Variants in ANO6 observed in about 807,000 individuals in gnomAD.
ANO6 encodes anoctamin-6.
ANO6 carries 106 observed loss-of-function variants against 117.5 expected under a neutral mutation model. The ratio of observed to expected loss-of-function variants is 0.90; its 90% confidence interval spans 0.77 to 1.06. The LOEUF (loss-of-function observed/expected upper bound fraction) is 1.06, where lower values mean the gene tolerates loss of function less well. Ranked by LOEUF, ANO6 falls within the 50% of genes least tolerant of loss-of-function variation. The pLI is 0.00. For synonymous variants in ANO6, 367 were observed against 385.1 expected (o/e 0.95, Z 0.55); for missense variants, 955 against 1,121.1 (o/e 0.85, Z 2.12).
At chr12:45,374,010 A>G (rs1487249404) in intron 9 of ANO6, among the ~76,000 whole-genome samples, 1 of 152,124 alleles carries the variant, frequency 6.6e-6, no homozygotes, top group African/African-American at 2.4e-5. Flanking sequence ...ATAAAAAATG[A>G]TAAAGGGGAT....
intron 1 of ANO6, among the ~76,000 whole-genome samples, chr12:45,267,619 C>T (rs1033360820): frequency 6.6e-6 from 1 of 151,816 alleles, no homozygotes; most frequent in Non-Finnish European, 1.5e-5. Flanking sequence ...GGTGAAACCC[C>T]GTCTCTACTA....
At chr12:45,227,391 C>CT (rs910746561) in intron 1 of ANO6, among the ~76,000 whole-genome samples, 1 of 152,148 alleles carries the variant, frequency 6.6e-6, no homozygotes. Flanking sequence ...AGAGGAAAGT[C>CT]TTACGGTCAG....
chr12:45,295,358 C>G (rs552230431), intron 1 of ANO6, among the ~76,000 whole-genome samples: 9 of 152,224 alleles, frequency 5.9e-5, no homozygotes, highest in Non-Finnish European at 1.0e-4. Context: ...TAAACTGAGG[C>G]CAGAGAAAGA....
chr12:45,439,869 T>C, exon 20 of ANO6: 1 of 1,533,810 alleles, frequency 6.5e-7, no homozygotes. Context: ...TCTTTTCTGT[T>C]ACTTTCTTTT....
intron 1 of ANO6, among the ~76,000 whole-genome samples, chr12:45,301,234 T>C (rs1394014258): frequency 5.5e-5 from 2 of 36,408 alleles, no homozygotes; most frequent in Admixed American, 1.0e-3. Context: ...TAATTTCACC[T>C]GTTTCTTTTT....
intron 8 of ANO6, among the ~76,000 whole-genome samples, chr12:45,359,219 G>T (rs1445691867): frequency 6.6e-6 from 1 of 151,156 alleles, no homozygotes; most frequent in African/African-American, 2.4e-5. Context: ...TTTGCTTTCT[G>T]TTTCTAGGGA....
intron 10 of ANO6, among the ~76,000 whole-genome samples, chr12:45,387,220 A>AT (rs1436196212): frequency 6.6e-6 from 1 of 152,178 alleles, no homozygotes; most frequent in African/African-American, 2.4e-5. Flanking sequence ...CTGAAACTGC[A>AT]TTTTTTCAAT....
At chr12:45,294,457 A>G (rs985756811) in intron 1 of ANO6, among the ~76,000 whole-genome samples, 9 of 152,198 alleles carry the variant, frequency 5.9e-5, no homozygotes, top group African/African-American at 1.9e-4. Flanking sequence ...AATTGTAGAA[A>G]TATCTTTGTT....
chr12:45,360,698 G>GT (rs906022415), intron 8 of ANO6, among the ~76,000 whole-genome samples: 38 of 151,990 alleles, frequency 2.5e-4, no homozygotes, highest in Non-Finnish European at 4.7e-4. Context: ...AAGTCATAAA[G>GT]TTTTTTTTAA....
chr12:45,357,409 A>T lies in ANO6; in HGVS notation c.983A>T (p.Asp328Val), dbSNP rs774722327. 23 of 1,613,564 alleles carry T rather than the reference A, an allele frequency of 1.4e-5. No homozygotes were observed. The South Asian group carries it at 1.9e-4, about 13-fold the overall frequency. Residue 328 changes from aspartate (D) to valine (V), a missense_variant, in exon 8 of 20, where the codon GAT becomes GTT. Transcript: ENST00000320560. ...TTTCTCTATGGATATCTTAATCAAG[A>T]TAACTGTACATGGAGGTAACCTCTG... is the stretch of plus-strand genomic sequence containing the variant. ...ACFLYGYLNQDNCTWSKEVCH... is the reference protein window; with the variant it reads ...ACFLYGYLNQVNCTWSKEVCH...
chr12:45,400,303 A>G (rs1342227976), intron 12 of ANO6, among the ~76,000 whole-genome samples: 1 of 152,236 alleles, frequency 6.6e-6, no homozygotes, highest in Non-Finnish European at 1.5e-5. Flanking sequence ...TTAAAAACAC[A>G]TAATAAACAC....
intron 1 of ANO6, among the ~76,000 whole-genome samples, chr12:45,296,083 A>G (rs1393753820): frequency 6.6e-6 from 1 of 151,726 alleles, no homozygotes; most frequent in Admixed American, 6.6e-5. Flanking sequence ...CTGGTCTTGA[A>G]CTCCTGGTGT....
At chr12:45,320,386 C>T (rs1940217333) in intron 2 of ANO6, among the ~76,000 whole-genome samples, 1 of 152,236 alleles carries the variant, frequency 6.6e-6, no homozygotes, top group African/African-American at 2.4e-5. Flanking sequence ...ACCCAGTAGT[C>T]ATTCAGGAGC....
chr12:45,327,718 C>T (rs1375907667), intron 2 of ANO6, among the ~76,000 whole-genome samples: 1 of 152,018 alleles, frequency 6.6e-6, no homozygotes, highest in African/African-American at 2.4e-5. Context: ...AAAGGATGTA[C>T]TCCAAAATTT....
rs182999685 is a variant in ANO6 at position 45,316,626 on chromosome 12, A to G, written c.150+14533A>G. ...GAAACTTGAATAAAATGGTTATATTAAATACTTGGACATGTTACCTCAAGT... is the reference window on the plus strand; with the variant it reads ...GAAACTTGAATAAAATGGTTATATTGAATACTTGGACATGTTACCTCAAGT... On this transcript the variant is annotated intron_variant, in intron 2 of 19. Transcript: ENST00000320560. Among the ~76,000 whole-genome samples the G allele has an allele frequency of 3.9e-3, 597 of 152,196 alleles. 2 individuals carry two copies. Among genetic ancestry groups the G allele is most frequent in the Non-Finnish European group, 6.6e-3 (452 of 67,998 alleles).
intron 10 of ANO6, among the ~76,000 whole-genome samples, chr12:45,381,314 A>G (rs1942163183): frequency 6.6e-6 from 1 of 152,228 alleles, no homozygotes; most frequent in African/African-American, 2.4e-5. Flanking sequence ...TGTTGATGTA[A>G]GAGTTTTAAC....
At chr12:45,316,617 G>A (rs1940034360) in intron 2 of ANO6, among the ~76,000 whole-genome samples, 1 of 152,024 alleles carries the variant, frequency 6.6e-6, no homozygotes, top group South Asian at 2.1e-4. Flanking sequence ...TGAATAAAAT[G>A]GTTATATTAA....
At chr12:45,308,952 G>C (rs1366980911) in intron 2 of ANO6, among the ~76,000 whole-genome samples, 2 of 152,108 alleles carry the variant, frequency 1.3e-5, no homozygotes, top group Admixed American at 1.3e-4. Context: ...ATGGAAGGAA[G>C]GGAAGAAAGA....
rs1054418062 is a variant in ANO6 at position 45,394,843 on chromosome 12, C to A, written c.1386+4345C>A. Among the ~76,000 whole-genome samples the A allele has an allele frequency of 2.0e-5, 3 of 152,276 alleles. No homozygotes were observed. The South Asian group carries it at 6.2e-4, about 32-fold the overall frequency. ...CAGAATCTCTGAGACACATTTAAAG[C>A]AGTGTGTAGAGGGAAATTTATAGCA... On this transcript the variant is annotated intron_variant, in intron 12 of 19. Transcript: ENST00000320560.
Sources: gnomAD v4.1 joint callset for allele counts (sites outside exome capture counted in the v4.1 genomes callset) on GRCh38, gnomAD v4.1.1 for gene constraint, MANE v1.5 for transcripts, NCBI Gene and HGNC (gene_info 2026-07-23, HGNC 2026-07-21) for gene names.